The following SLC38A10 variants were observed in gnomAD, a reference collection of about 807,000 sequenced individuals.
SLC38A10 encodes solute carrier family 38 member 10.
Under a neutral mutation model 81.0 loss-of-function variants are expected in SLC38A10, and 53 were observed. The ratio of observed to expected loss-of-function variants is 0.65; its 90% CI spans 0.53 to 0.82. The LOEUF (loss-of-function observed/expected upper bound fraction) is 0.82, where lower values mean the gene tolerates loss of function less well. Ranked by LOEUF, SLC38A10 falls within the 40% of genes least tolerant of loss-of-function variation. The pLI is 0.00. For missense variants in SLC38A10, 1,471 were observed against 1,545.0 expected, an observed-to-expected ratio of 0.95 and a Z score of 0.80; for synonymous variants, 665 against 655.3, an observed-to-expected ratio of 1.01 and a Z score of -0.23.
chr17:81,294,927 G>A lies in SLC38A10; in HGVS notation c.-6C>T. On this transcript the variant is annotated 5_prime_UTR_variant, in exon 1 of 16. Transcript: ENST00000374759. Reference sequence around the variant, plus strand: ...GAGGCGGCGGCCGCGGTCATAGTGAGAGGTCTAGGGGCCCGGGGCGAGAGG... The same window carrying A: ...GAGGCGGCGGCCGCGGTCATAGTGAAAGGTCTAGGGGCCCGGGGCGAGAGG... 2 of 1,591,258 alleles carry A rather than the reference G, an allele frequency of 1.3e-6. No homozygotes were observed. The highest frequency in any genetic ancestry group is 1.7e-6 in the Non-Finnish European group (2 of 1,170,338).
At chr17:81,292,872 G>A (rs187460916) in intron 1 of SLC38A10, among the ~76,000 whole-genome samples, 25 of 152,296 alleles carry the variant, frequency 1.6e-4, no homozygotes, top group Admixed American at 1.4e-3. Flanking sequence ...GGCCAGGCAC[G>A]GTGGCTCACG....
chr17:81,278,686 A>T (rs1160866803), intron 6 of SLC38A10, among the ~76,000 whole-genome samples: 4 of 152,188 alleles, frequency 2.6e-5, no homozygotes, highest in Non-Finnish European at 4.4e-5. Context: ...TTGCGGCATG[A>T]ACTTCCCAGT....
At chr17:81,249,414 G>GGA (rs2062887180) in intron 14 of SLC38A10, among the ~76,000 whole-genome samples, 1 of 151,972 alleles carries the variant, frequency 6.6e-6, no homozygotes, top group African/African-American at 2.4e-5. Flanking sequence ...AAGGAGGGAG[G>GGA]GAAGAGGAGG....
intron 6 of SLC38A10, among the ~76,000 whole-genome samples, chr17:81,278,135 C>T (rs2063178651): frequency 1.3e-5 from 2 of 151,780 alleles, no homozygotes; most frequent in South Asian, 4.2e-4. Flanking sequence ...AAAGAAAACA[C>T]AGGACATCAC....
intron 10 of SLC38A10, among the ~76,000 whole-genome samples, chr17:81,260,627 G>A (rs1273206195): frequency 6.6e-6 from 1 of 152,244 alleles, no homozygotes; most frequent in Non-Finnish European, 1.5e-5. Context: ...ACTGGGAGAG[G>A]GCTGAGCCCT....
chr17:81,259,383 T>C (rs558333973), intron 11 of SLC38A10, among the ~76,000 whole-genome samples: 2 of 152,260 alleles, frequency 1.3e-5, no homozygotes, highest in Admixed American at 6.5e-5. Flanking sequence ...ACACGGGCAG[T>C]GTGGATGCAT....
rs1282204463 is a variant in SLC38A10, at chr17:81,276,494, C to G, written c.730-343G>C. Among the ~76,000 whole-genome samples, 2 of 151,672 alleles carry G rather than the reference C, an allele frequency of 1.3e-5. No homozygotes were observed. The highest frequency in any genetic ancestry group is 2.9e-5 in the Non-Finnish European group (2 of 67,966). On this transcript the variant is annotated intron_variant, in intron 7 of 15. Transcript: ENST00000374759. The surrounding 1 kb of genome is among the most constrained non-coding windows in gnomAD (Gnocchi z 4.7). Reference sequence around the variant, plus strand: ...TCTGCCTCCCCGGTCCTGGTTCAAGCAATTCTCCTGCCTCAGCCTCCCGAG... The same window carrying G: ...TCTGCCTCCCCGGTCCTGGTTCAAGGAATTCTCCTGCCTCAGCCTCCCGAG...
intron 10 of SLC38A10, among the ~76,000 whole-genome samples, chr17:81,269,512 T>A (rs376867458): frequency 6.6e-6 from 1 of 152,094 alleles, no homozygotes; most frequent in Non-Finnish European, 1.5e-5. Context: ...TGTATTCTAA[T>A]GTACACTGTA....
At chr17:81,260,516 C>A in intron 10 of SLC38A10, 122 bp from the exon 11 acceptor site, 1 of 1,302,548 alleles carries the variant, frequency 7.7e-7, no homozygotes, top group Non-Finnish European at 1.0e-6. Context: ...GTGGACATGA[C>A]AAAGTCCCCC....
chr17:81,285,071 G>A, intron 2 of SLC38A10, 176 bp from the exon 3 acceptor site: 2 of 485,328 alleles, frequency 4.1e-6, no homozygotes, highest in Non-Finnish European at 7.5e-6. Flanking sequence ...TCTACTGTCT[G>A]CAAATGAAAC....
intron 6 of SLC38A10, among the ~76,000 whole-genome samples, chr17:81,279,500 C>T (rs889942937): frequency 4.6e-5 from 7 of 152,256 alleles, no homozygotes; most frequent in Admixed American, 1.3e-4. Context: ...GGGAGGTCAG[C>T]GCAGCGGCCA....
rs200025479 is a variant in SLC38A10, at chr17:81,289,360, AT to A, written c.217+330del. 1.0e-4 allele frequency among the ~76,000 whole-genome samples: 15 copies of A among 148,280 alleles called. No homozygotes were observed. The highest frequency in any genetic ancestry group is 3.6e-3 in the Middle Eastern group (1 of 280). On this transcript the variant is annotated intron_variant, in intron 2 of 15. Coordinates refer to ENST00000374759, the MANE Select transcript of SLC38A10 (RefSeq NM_001037984.3). The surrounding 1 kb of genome is among the most constrained non-coding windows in gnomAD (Gnocchi z 5.9). ...CCCGGCAGGTTTTTTTTTTAACTGCATTTTTTTTTAATTTGATTTTTAATTC... is the reference window on the plus strand; with the variant it reads ...CCCGGCAGGTTTTTTTTTTAACTGCATTTTTTTTAATTTGATTTTTAATTC...
Position 81,281,907 on chromosome 17 carries a change from C to T in SLC38A10, c.501+282G>A, listed in dbSNP as rs371338534. ...CAAGTGGACTTGGAGTTTCCTTCAC[C>T]TTGCCTGGACGACATGAAACCAGCC... is the stretch of plus-strand genomic sequence containing the variant. On this transcript the variant is annotated intron_variant, in intron 5 of 15. Transcript: ENST00000374759. The surrounding 1 kb of genome is among the most constrained non-coding windows in gnomAD (Gnocchi z 5.3). 1.6e-3 allele frequency among the ~76,000 whole-genome samples: 250 copies of T among 152,346 alleles called. 3 individuals are homozygous for T. The highest frequency in any genetic ancestry group is 5.7e-3 in the African/African-American group (239 of 41,580).
At chr17:81,293,406 C>T (rs1409977459) in intron 1 of SLC38A10, among the ~76,000 whole-genome samples, 4 of 152,200 alleles carry the variant, frequency 2.6e-5, no homozygotes, top group East Asian at 1.9e-4. Flanking sequence ...CCATATCAGG[C>T]AAACAACTCA....
chr17:81,255,513 C>T (rs2062963864), intron 11 of SLC38A10, among the ~76,000 whole-genome samples: 1 of 152,256 alleles, frequency 6.6e-6, no homozygotes, highest in Non-Finnish European at 1.5e-5. Context: ...CGCCAGCTCA[C>T]GACTGAGCTC....
chr17:81,280,919 C>A (rs1055203087), intron 5 of SLC38A10, among the ~76,000 whole-genome samples, 186 bp from the exon 6 acceptor site: 2 of 152,034 alleles, frequency 1.3e-5, no homozygotes, highest in African/African-American at 4.8e-5. Context: ...AGGGAGACCC[C>A]GCGCCTTTCT....
chr17:81,256,782 C>T (rs923198449), intron 11 of SLC38A10, among the ~76,000 whole-genome samples: 1 of 152,264 alleles, frequency 6.6e-6, no homozygotes, highest in Non-Finnish European at 1.5e-5. Flanking sequence ...GGCTTTACAG[C>T]CCAATCTTGA....
At chr17:81,274,892 C>T (rs1026722904) in intron 8 of SLC38A10, among the ~76,000 whole-genome samples, 2 of 152,166 alleles carry the variant, frequency 1.3e-5, no homozygotes, top group African/African-American at 2.4e-5. Context: ...GTGAAAAAAC[C>T]CAGCCTCACT....
chr17:81,279,880 G>A (rs955283475), intron 6 of SLC38A10: 20 of 202,146 alleles, frequency 9.9e-5, no homozygotes, highest in Admixed American at 7.8e-4. Context: ...GGGAAATGAC[G>A]ATTTGGATCT....
Sources: allele counts gnomAD v4.1 joint callset (sites outside exome capture counted in the v4.1 genomes callset), GRCh38; gene constraint gnomAD v4.1.1; non-coding constraint Gnocchi (gnomAD v3.1); transcripts MANE v1.5; gene names NCBI Gene and HGNC (gene_info 2026-07-23, HGNC 2026-07-21).